Variants in NPAS3 observed in about 807,000 individuals in gnomAD.
NPAS3 encodes neuronal PAS domain-containing protein 3.
Under a neutral mutation model 73.1 loss-of-function variants are expected in NPAS3, and 14 were observed. The observed-to-expected ratio is 0.19, with a 90% CI of 0.13 to 0.30. The LOEUF (loss-of-function observed/expected upper bound fraction) is 0.30. NPAS3 is among the 10% of genes least tolerant of loss of function. The pLI, the probability that NPAS3 is intolerant of heterozygous loss-of-function variation, is 1.00. For synonymous variants in NPAS3, 620 were observed against 541.5 expected (o/e 1.14, Z -2.01); for missense variants, 1,096 against 1,250.0 (o/e 0.88, Z 1.86).
chr14:33,056,083 CCTT>C (rs2040877273), intron 2 of NPAS3, 89 bp downstream of exon 2: 4 of 567,418 alleles, frequency 7.0e-6, no homozygotes, highest in East Asian at 3.1e-5. Flanking sequence ...TGTATTGAAA[CCTT>C]CTTTTTATCT....
rs143468059 is a variant in NPAS3 at position 33,199,904 on chromosome 14, C to T, written c.141-15278C>T. ...TAATCATCTTTCAACACGTACTTAT[C>T]GAAGACATACTCTATATGCAAGACG... On this transcript the variant is annotated intron_variant, in intron 2 of 11. Transcript: ENST00000356141. Among the ~76,000 whole-genome samples the T allele has an allele frequency of 2.6e-5, 4 of 152,152 alleles. 1 individual carries two copies. Among genetic ancestry groups the T allele is most frequent in the African/African-American group, 7.2e-5 (3 of 41,534 alleles).
rs1347697203 is a variant in NPAS3 at position 33,544,786 on chromosome 14, TA to T, written c.469-15334del. Among the ~76,000 whole-genome samples, 173 of 51,264 alleles carry T rather than the reference TA, an allele frequency of 3.4e-3. 3 individuals carry two copies. Among genetic ancestry groups the T allele is most frequent in the Middle Eastern group, 0.033 (3 of 92 alleles). The allele number at this position is 51,264 out of a possible 152,430, so 33.6% of individuals were successfully genotyped here. ...ATGCATGTATGTGTTTATGTGTGTG[TA>T]TTATATATATATATATATATATATG... is the stretch of plus-strand genomic sequence containing the variant. On this transcript the variant is annotated intron_variant, in intron 4 of 11. Transcript: ENST00000356141.
chr14:33,553,946 C>T lies in NPAS3; in HGVS notation c.469-6175C>T, dbSNP rs116103581. 1.6e-3 allele frequency among the ~76,000 whole-genome samples: 240 copies of T among 152,232 alleles called. 1 individual carries two copies. The highest frequency in any genetic ancestry group is 5.3e-3 in the African/African-American group (220 of 41,542). ...TATAGCATCACTTCCTGAGTGCATT[C>T]GGAGGGCAATATGGCATTTTAATGA... On this transcript the variant is annotated intron_variant, in intron 4 of 11. Transcript: ENST00000356141.
intron 2 of NPAS3, among the ~76,000 whole-genome samples, chr14:33,101,175 A>G (rs2042566724): frequency 6.6e-6 from 1 of 152,170 alleles, no homozygotes; most frequent in South Asian, 2.1e-4. Flanking sequence ...ACACCTCAGT[A>G]TCTAATACTT....
chr14:33,160,022 A>G (rs574020842), intron 2 of NPAS3, among the ~76,000 whole-genome samples: 93 of 152,314 alleles, frequency 6.1e-4, no homozygotes, highest in South Asian at 5.2e-3. Context: ...AATTATTTCA[A>G]TATTTTGCAT....
At position 33,800,983 on chromosome 14, in the gene NPAS3, T is replaced by C; in HGVS notation, c.2676T>C (p.Ala892=). Residue 892 remains alanine, a synonymous_variant, in exon 12 of 12, where the codon GCT becomes GCC. Coordinates refer to ENST00000356141, the Ensembl canonical transcript of NPAS3. The surrounding 1 kb of genome is among the most constrained non-coding windows in gnomAD (Gnocchi z 6.5). Reference sequence around the variant, plus strand: ...CGTTCGGCGGCGCAGTGAGCGCAGCTAGCCTGACGCAGATGCCCGCCGGCA... The same window carrying C: ...CGTTCGGCGGCGCAGTGAGCGCAGCCAGCCTGACGCAGATGCCCGCCGGCA... 1 of 1,591,220 alleles carries C rather than the reference T, an allele frequency of 6.3e-7. No homozygotes were observed. The highest frequency in any genetic ancestry group is 8.5e-7 in the Non-Finnish European group (1 of 1,169,638).
intron 4 of NPAS3, among the ~76,000 whole-genome samples, chr14:33,527,286 T>C (rs959883846): frequency 1.3e-5 from 2 of 152,182 alleles, no homozygotes; most frequent in African/African-American, 4.8e-5. Context: ...CCCTATCCTG[T>C]ACCCTGTAAC....
intron 4 of NPAS3, among the ~76,000 whole-genome samples, chr14:33,440,702 G>A (rs2049207445): frequency 6.6e-6 from 1 of 152,080 alleles, no homozygotes. Flanking sequence ...AGACCAGCCT[G>A]GCCAACATTG....
At position 33,760,351 on chromosome 14, in the gene NPAS3, C is replaced by T. The variant is rs183983850; in HGVS notation, c.853-13986C>T. On this transcript the variant is annotated intron_variant, in intron 7 of 11. Transcript: ENST00000356141. ...TGTTTATCAGAGCTCATCTTTCCCCCTTTATCTGTCCTTTTCATTGCTGTA... is the reference window on the plus strand; with the variant it reads ...TGTTTATCAGAGCTCATCTTTCCCCTTTTATCTGTCCTTTTCATTGCTGTA... 3.9e-5 allele frequency among the ~76,000 whole-genome samples: 6 copies of T among 152,292 alleles called. No individual in the cohort carries two copies. The East Asian group carries it at 1.2e-3, about 29-fold the overall frequency.
At chr14:33,056,850 C>T (rs116481285) in intron 2 of NPAS3, among the ~76,000 whole-genome samples, 1 of 152,278 alleles carries the variant, frequency 6.6e-6, no homozygotes, top group African/African-American at 2.4e-5. Context: ...GTAATGTAAA[C>T]ATAATTCCAC....
chr14:33,272,044 G>T (rs1033890071), intron 3 of NPAS3, among the ~76,000 whole-genome samples: 2 of 152,178 alleles, frequency 1.3e-5, no homozygotes, highest in Non-Finnish European at 2.9e-5. Context: ...AGATCAAGGT[G>T]ATGCCTTCAA....
At chr14:33,707,425 C>T (rs1445961094) in intron 6 of NPAS3, among the ~76,000 whole-genome samples, 1 of 151,710 alleles carries the variant, frequency 6.6e-6, no homozygotes, top group Non-Finnish European at 1.5e-5. Context: ...GACCCAGGAA[C>T]TGGATGTTGG....
chr14:32,961,511 G>A (rs1484892856), intron 1 of NPAS3, among the ~76,000 whole-genome samples: 1 of 151,888 alleles, frequency 6.6e-6, no homozygotes, highest in African/African-American at 2.4e-5. Context: ...TCAGTAACGT[G>A]TTGTGATAAA....
chr14:33,081,960 G>T (rs1012661045), intron 2 of NPAS3, among the ~76,000 whole-genome samples: 2 of 152,174 alleles, frequency 1.3e-5, no homozygotes, highest in African/African-American at 2.4e-5. Context: ...ACAGCCAAAC[G>T]TGCAATGATT....
At chr14:33,392,582 TA>T (rs1319402219) in intron 4 of NPAS3, among the ~76,000 whole-genome samples, 2 of 152,184 alleles carry the variant, frequency 1.3e-5, no homozygotes, top group African/African-American at 4.8e-5. Flanking sequence ...CTTGAATTAA[TA>T]TTATGCTTTT....
chr14:33,278,796 A>AT (rs1421335103), intron 3 of NPAS3, among the ~76,000 whole-genome samples: 1 of 152,210 alleles, frequency 6.6e-6, no homozygotes, highest in African/African-American at 2.4e-5. Context: ...ATCATACCAC[A>AT]TTTTGAAGTA....
At chr14:33,571,958 G>A (rs555931044) in intron 5 of NPAS3, among the ~76,000 whole-genome samples, 16 of 152,200 alleles carry the variant, frequency 1.1e-4, no homozygotes, top group Admixed American at 3.3e-4. Context: ...ATACCTCATC[G>A]CTACCCTTTT....
chr14:33,200,425 A>G (rs1190308804), intron 2 of NPAS3, among the ~76,000 whole-genome samples: 2 of 152,040 alleles, frequency 1.3e-5, no homozygotes. Flanking sequence ...TTTTCTTCTA[A>G]GTTCAGTTTC....
chr14:33,717,442 G>A, intron 6 of NPAS3, among the ~76,000 whole-genome samples: 1 of 152,006 alleles, frequency 6.6e-6, no homozygotes, highest in East Asian at 1.9e-4. Flanking sequence ...ATATTTCAGG[G>A]AAGTTCTGGA....
Sources: allele counts gnomAD v4.1 joint callset (sites outside exome capture counted in the v4.1 genomes callset), GRCh38; gene constraint gnomAD v4.1.1; non-coding constraint Gnocchi (gnomAD v3.1); transcripts MANE v1.5; gene names NCBI Gene and HGNC (gene_info 2026-07-23, HGNC 2026-07-21).